The following NXF1 variants were observed in gnomAD, a reference collection of about 807,000 sequenced individuals.
NXF1 encodes nuclear RNA export factor 1.
Under a neutral mutation model 92.4 loss-of-function variants are expected in NXF1, and 43 were observed. The observed-to-expected ratio is 0.47, with a 90% confidence interval of 0.36 to 0.60. The LOEUF (loss-of-function observed/expected upper bound fraction) is 0.60. Ranked by LOEUF, NXF1 falls within the 20% of genes least tolerant of loss-of-function variation. The pLI, the probability that NXF1 is intolerant of heterozygous loss-of-function variation, is 0.00. For missense variants in NXF1, 576 were observed against 793.0 expected (o/e 0.73, Z 3.29); for synonymous variants, 288 against 292.2 (o/e 0.99, Z 0.15).
intron 17 of NXF1, chr11:62,795,537 C>T: frequency 6.5e-6 from 2 of 309,730 alleles, no homozygotes; most frequent in South Asian, 8.8e-5. Context: ...AGGCCAAGCA[C>T]TTTGTAAGTC....
At position 62,801,939 on chromosome 11, in the gene NXF1, C is replaced by G. The variant is rs1331258036; in HGVS notation, c.558+3G>C. 1 of 1,614,116 alleles carries G rather than the reference C, an allele frequency of 6.2e-7. No individual in the cohort carries two copies. Among genetic ancestry groups the G allele is most frequent in the Admixed American group, 1.7e-5 (1 of 60,030 alleles). On this transcript the variant is annotated splice_donor_region_variant and intron_variant, in intron 5 of 20. Transcript: ENST00000294172. ...CCAGCCAAGCCAGGCCCTTTAAACACACCCTTCGGTTCTCCCGATCCAAAA... is the reference window on the plus strand; with the variant it reads ...CCAGCCAAGCCAGGCCCTTTAAACAGACCCTTCGGTTCTCCCGATCCAAAA...
At position 62,792,644 on chromosome 11, in the gene NXF1, G is replaced by C. The variant is rs892584019; in HGVS notation, c.1818C>G (p.Leu606=). The C allele has an allele frequency of 8.1e-6, 13 of 1,614,188 alleles. No individual in the cohort carries two copies. The highest frequency in any genetic ancestry group is 1.0e-5 in the Non-Finnish European group (12 of 1,180,028). The part of the protein sequence containing the change: ...YTRSAQAFTH[L]KAKGEIPEVA... ...CCACTGTATTTCCAGACCTTACCTT[G>C]AGATGAGTGAAGGCCTGGGCAGATC... The change falls in exon 20 of 21, where the codon CTC becomes CTG. Residue 606 remains leucine, a synonymous_variant. Transcript: ENST00000294172.
In NXF1 at chr11:62,804,290, C is replaced by T. The variant is rs372916662; in HGVS notation, c.29-312G>A. 32 of 1,139,210 alleles carry T rather than the reference C, an allele frequency of 2.8e-5. No homozygotes were observed. The African/African-American group carries it at 3.5e-4, about 12-fold the overall frequency. The allele number at this position is 1,139,210 out of a possible 1,614,324, so 70.6% of individuals were successfully genotyped here. A position where few individuals can be genotyped will look rare whatever the true frequency, so the allele number is the denominator to read the frequency against. On this transcript the variant is annotated intron_variant, in intron 1 of 20. Coordinates refer to ENST00000294172, the MANE Select transcript of NXF1 (RefSeq NM_006362.5). ...ACACAAATCAGACCTCTGAAAGCCA[C>T]CTGAAATCTGCCACTCAGTACTTTG... is the stretch of plus-strand genomic sequence containing the variant.
intron 11 of NXF1, among the ~76,000 whole-genome samples, chr11:62,797,769 A>G (rs558442929): frequency 6.6e-6 from 1 of 152,290 alleles, no homozygotes; most frequent in Non-Finnish European, 1.5e-5. Context: ...GGCTGGGTGC[A>G]TAAGTAGACT....
chr11:62,798,491 T>C (rs2084444700), intron 11 of NXF1, 48 bp downstream of exon 11: 1 of 1,599,154 alleles, frequency 6.3e-7, no homozygotes, highest in South Asian at 1.1e-5. Context: ...GGAATCCTTG[T>C]GAGTGAGAGA....
At chr11:62,804,095 C>T (rs1289686735) in intron 1 of NXF1, 117 bp from the exon 2 acceptor site, 1 of 1,584,208 alleles carries the variant, frequency 6.3e-7, no homozygotes, top group Admixed American at 1.8e-5. Flanking sequence ...CGACAGAGGC[C>T]ATCTCCATGC....
chr11:62,801,353 C>T lies in NXF1; in HGVS notation c.774G>A (p.Arg258=). ...NRRSCMAATL[R]IIEENIPELL... ...CCTCAGGGATGTTCTCTTCAATGAT[C>T]CTCAGGGTAGCTGCCATACAGCTTC... Residue 258 remains arginine (R), a synonymous_variant, in exon 8 of 21, where the codon AGG becomes AGA. Coordinates refer to ENST00000294172, the MANE Select transcript of NXF1 (RefSeq NM_006362.5). 4.3e-6 allele frequency: 7 copies of T among 1,614,134 alleles called. No individual in the cohort carries two copies. The highest frequency in any genetic ancestry group is 5.9e-6 in the Non-Finnish European group (7 of 1,179,970).
At position 62,797,234 on chromosome 11, in the gene NXF1, C is replaced by T; in HGVS notation, c.1127G>A (p.Ser376Asn). Residue 376 changes from serine (S) to asparagine (N), a missense_variant, in exon 13 of 21, where the codon AGC becomes AAC. By Grantham distance (46) the Ser-to-Asn change is conservative. Around this residue, in one of 2 missense-constraint regions of NXF1, gnomAD observed 425 missense variants for 635.2 expected, o/e 0.67. Coordinates refer to ENST00000294172, the MANE Select transcript of NXF1 (RefSeq NM_006362.5). ...APTTLPPCKGSYFGTENLKSL... is the reference protein window; with the variant it reads ...APTTLPPCKGNYFGTENLKSL... ...CTTCAAGTTTTCTGTTCCAAAATAG[C>T]TTCCCTGAAATCAAACAGGTATTAG... is the stretch of plus-strand genomic sequence containing the variant. The T allele has an allele frequency of 6.2e-7, 1 of 1,614,192 alleles. No homozygotes were observed. Among genetic ancestry groups the T allele is most frequent in the Non-Finnish European group, 8.5e-7 (1 of 1,180,028 alleles).
chr11:62,798,465 A>G, intron 11 of NXF1, 74 bp downstream of exon 11: 1 of 1,561,718 alleles, frequency 6.4e-7, no homozygotes, highest in Non-Finnish European at 8.6e-7. Context: ...AAGAAAAAGA[A>G]AAAGAAACCT....
Position 62,803,557 on chromosome 11 carries a change from G to C in NXF1, c.231C>G (p.Thr77=). The change falls in exon 3 of 21, where the codon ACC becomes ACG. Residue 77 remains threonine, a synonymous_variant. Transcript: ENST00000294172. ...AAGTATCACCCCGACGGTTAGGTCGGGTGGTATAGGGGTTGCTGTGGGTAA... is the reference window on the plus strand; with the variant it reads ...AAGTATCACCCCGACGGTTAGGTCGCGTGGTATAGGGGTTGCTGTGGGTAA... ...GPRVRYNPYT[T]RPNRRGDTWH... is the part of the protein sequence containing the mutation. 1.2e-6 allele frequency: 2 copies of C among 1,614,032 alleles called. No homozygotes were observed. The highest frequency in any genetic ancestry group is 1.7e-6 in the Non-Finnish European group (2 of 1,180,006).
At chr11:62,794,582 C>T in intron 18 of NXF1, 142 bp from the exon 19 acceptor site, 1 of 725,378 alleles carries the variant, frequency 1.4e-6, no homozygotes, top group South Asian at 1.9e-5. Context: ...TTATCCCCTC[C>T]CATGGAATCA....
chr11:62,795,775 G>T, intron 17 of NXF1, 126 bp downstream of exon 17: 2 of 904,622 alleles, frequency 2.2e-6, no homozygotes, highest in Non-Finnish European at 3.6e-6. Context: ...CGGCTTGGGG[G>T]CAGAATGGGA....
intron 4 of NXF1, 58 bp from the exon 5 acceptor site, chr11:62,802,104 T>C: frequency 6.2e-7 from 1 of 1,605,600 alleles, no homozygotes; most frequent in African/African-American, 1.3e-5. Context: ...GGAGGGGCAT[T>C]ACGCTGGGAG....
In NXF1 at chr11:62,796,324, G is replaced by C. The variant is rs990958555; in HGVS notation, c.1308C>G (p.Phe436Leu). The C allele has an allele frequency of 8.4e-5, 136 of 1,614,010 alleles. No homozygotes were observed. The highest frequency in any genetic ancestry group is 1.1e-4 in the Non-Finnish European group (132 of 1,180,034). ...GCTTCTTCACATTTCTGCTATCCTT[G>C]AAATACTCGGCTAAGCTGCTTCTGG... Reference protein sequence around the residue: ...NPARSSLAEYFKDSRNVKKLK... With the variant: ...NPARSSLAEYLKDSRNVKKLK... The change falls in exon 15 of 21, where the codon TTC (phenylalanine) becomes TTG (leucine). Residue 436 changes from phenylalanine to leucine, a missense_variant. Coordinates refer to ENST00000294172, the MANE Select transcript of NXF1 (RefSeq NM_006362.5).
intron 17 of NXF1, 44 bp downstream of exon 17, chr11:62,795,857 G>A: frequency 6.3e-7 from 1 of 1,577,312 alleles, no homozygotes; most frequent in Non-Finnish European, 8.7e-7. Context: ...ATTCCAGCTG[G>A]GGGTGGGACC....
At chr11:62,800,605 CTTTT>C (rs569196618) in intron 9 of NXF1, 119 bp from the exon 10 acceptor site, 2,248 of 477,482 alleles carry the variant, frequency 4.7e-3, no homozygotes, top group Middle Eastern at 7.7e-3. Flanking sequence ...AAAATTTTTT[CTTTT>C]TTTTTTTTTT....
At chr11:62,800,209 C>G in intron 10 of NXF1, 168 bp downstream of exon 10, 1 of 1,428,360 alleles carries the variant, frequency 7.0e-7, no homozygotes, top group African/African-American at 1.4e-5. Flanking sequence ...CAGGACAAAG[C>G]TGGAAGACAC....
chr11:62,799,004 G>T, intron 10 of NXF1: 1 of 1,008,582 alleles, frequency 9.9e-7, no homozygotes, highest in South Asian at 4.3e-5. Flanking sequence ...ACACACCACA[G>T]GGATGGCACA....
chr11:62,799,908 T>G (rs1275262171), intron 10 of NXF1: 1 of 987,618 alleles, frequency 1.0e-6, no homozygotes, highest in African/African-American at 1.7e-5. Context: ...GGGTCCCTCT[T>G]GGCGCAAGGG....
Sources: gnomAD v4.1 joint callset for allele counts (sites outside exome capture counted in the v4.1 genomes callset) on GRCh38, gnomAD v4.1.1 for gene constraint, gnomAD v4.1.1 regional missense constraint, MANE v1.5 for transcripts, NCBI Gene and HGNC (gene_info 2026-07-23, HGNC 2026-07-21) for gene names.